C3: variants seen among roughly 807,000 people sequenced by gnomAD.
C3 encodes C3 and PZP-like alpha-2-macroglobulin domain-containing protein 1.
A neutral mutation model predicts 207.9 loss-of-function variants in C3; 97 were observed. That is an observed-to-expected ratio of 0.47 (90% CI 0.40 to 0.55). The LOEUF (loss-of-function observed/expected upper bound fraction) is 0.55. Ranked by LOEUF, C3 falls within the 20% of genes least tolerant of loss-of-function variation. The probability of loss-of-function intolerance (pLI) is 0.00; values close to 1 mark genes in which losing one functional copy is unlikely to be tolerated. For synonymous variants in C3, 848 were observed against 857.6 expected (o/e 0.99, Z 0.20); for missense variants, 1,684 against 2,171.7 (o/e 0.78, Z 4.46).
Position 6,707,476 on chromosome 19 carries a change from T to C in C3, c.2037A>G (p.Arg679=). 1.2e-6 allele frequency: 2 copies of C among 1,613,952 alleles called. No individual in the cohort carries two copies. The highest frequency in any genetic ancestry group is 1.7e-6 in the Non-Finnish European group (2 of 1,179,938). ...AGGAAAGGCTCCCACCTTTGTCCAT[T>C]CGCTTCTCCGTGAGCTGCACGGAAC... ...RRRSVQLTEK[R]MDKVGKYPKE... The change falls in exon 16 of 41, where the codon CGA becomes CGG. Residue 679 remains arginine (R), a synonymous_variant. Transcript: ENST00000245907.
chr19:6,679,545 A>G (rs1001117885), intron 36 of C3, 49 bp from the exon 37 acceptor site: 7 of 1,328,578 alleles, frequency 5.3e-6, no homozygotes, highest in Non-Finnish European at 4.3e-6. Flanking sequence ...CCTCCCTCCA[A>G]AGACCATGCC....
At chr19:6,703,033 GAAAACA>G (rs985698599) in intron 17 of C3, among the ~76,000 whole-genome samples, 2 of 151,942 alleles carry the variant, frequency 1.3e-5, no homozygotes, top group Non-Finnish European at 2.9e-5. Context: ...GACTCCATCT[GAAAACA>G]AAAACAAAAA....
rs1917824651 is a variant in C3, at chr19:6,680,203, G to A, written c.4411C>T (p.Leu1471Phe). 16 of 1,613,430 alleles carry A rather than the reference G, an allele frequency of 9.9e-6. No homozygotes were observed. The highest frequency in any genetic ancestry group is 1.1e-5 in the South Asian group (1 of 91,068). Residue 1471 changes from leucine (L) to phenylalanine (F), a missense_variant, in exon 36 of 41, where the codon CTT becomes TTT. Physicochemically the swap from Leu to Phe is conservative, Grantham distance 22 (BLOSUM62 0). This residue lies in a region of C3 where 346 missense variants were observed against 380.1 expected (regional missense o/e 0.91). Transcript: ENST00000245907. ...ACCTTGACTGCTCCAGGCTGGATAA[G>A]CTCTACATTAAAGTATTGGTGAACT... Reference protein sequence around the residue: ...FKVHQYFNVELIQPGAVKVYA... With the variant: ...FKVHQYFNVEFIQPGAVKVYA...
At chr19:6,715,612 T>G (rs923652261) in intron 4 of C3, among the ~76,000 whole-genome samples, 11 of 148,876 alleles carry the variant, frequency 7.4e-5, no homozygotes, top group African/African-American at 2.2e-4. Flanking sequence ...AAATCTGTTT[T>G]TTTTTTGTTT....
At chr19:6,678,531 C>T (rs549423358) in intron 38 of C3, 76 bp from the exon 39 acceptor site, 20 of 1,193,976 alleles carry the variant, frequency 1.7e-5, no homozygotes, top group African/African-American at 4.5e-5. Flanking sequence ...CAAGTGCACC[C>T]GGGCATGTGG....
chr19:6,697,435 G>A lies in C3; in HGVS notation c.2705C>T (p.Pro902Leu), dbSNP rs765511580. ...CACTTCCTGCAGGCCGGTCTTTAGC[G>A]GCACGATGACATATGGAACGGACAA... ...SSLSVPYVIV[P>L]LKTGLQEVEV... is the part of the protein sequence containing the mutation. Residue 902 changes from proline to leucine, a missense_variant, in exon 21 of 41, where the codon CCG (proline) becomes CTG (leucine). Coordinates refer to ENST00000245907, the MANE Select transcript of C3 (RefSeq NM_000064.4). 41 of 1,613,782 alleles carry A rather than the reference G, an allele frequency of 2.5e-5. No homozygotes were observed. The highest frequency in any genetic ancestry group is 1.3e-4 in the Admixed American group (8 of 59,950).
At chr19:6,679,844 C>T (rs943410445) in intron 36 of C3, among the ~76,000 whole-genome samples, 1 of 152,108 alleles carries the variant, frequency 6.6e-6, no homozygotes, top group African/African-American at 2.4e-5. Context: ...GACCCCTGAA[C>T]CCATCAGACC....
Position 6,677,707 on chromosome 19 carries a change from A to G in C3, c.*175T>C. The G allele has an allele frequency of 1.3e-6, 1 of 778,488 alleles. No individual in the cohort carries two copies. Among genetic ancestry groups the G allele is most frequent in the Non-Finnish European group, 2.1e-6 (1 of 486,150 alleles). The allele number at this position is 778,488 out of a possible 1,614,324, so 48.2% of individuals were successfully genotyped here. ...GCTCCTTGGCTAAAGAAGTCAGCACACTAGCAGGCGAACGCCAGGAGAAAA... is the reference window on the plus strand; with the variant it reads ...GCTCCTTGGCTAAAGAAGTCAGCACGCTAGCAGGCGAACGCCAGGAGAAAA... On this transcript the variant is annotated 3_prime_UTR_variant, in exon 41 of 41. Transcript: ENST00000245907.
chr19:6,704,702 T>G (rs1004407028), intron 17 of C3, among the ~76,000 whole-genome samples: 1 of 151,994 alleles, frequency 6.6e-6, no homozygotes, highest in African/African-American at 2.4e-5. Context: ...GAGGTTGTAG[T>G]GAGCCAAGAT....
rs563079608 is a variant in C3, at chr19:6,700,525, AATATG to A, written c.2440+1597_2440+1601del. Among the ~76,000 whole-genome samples, 53 of 27,930 alleles carry A rather than the reference AATATG, an allele frequency of 1.9e-3. 13 individuals are homozygous for A. Among genetic ancestry groups the A allele is most frequent in the African/African-American group, 0.015 (50 of 3,438 alleles). 18.3% of individuals were successfully genotyped at this position (27,930 alleles called of 152,430 possible). On this transcript the variant is annotated intron_variant, in intron 19 of 40. Transcript: ENST00000245907. ...TATATATGTAATATATAATATATGT[AATATG>A]ATATATTATATATGTAATATATAAT...
rs759921387 is a variant in C3, at chr19:6,713,377, A to G, written c.876+30T>C. ...GCTCAGAGGTGGCGGGGACTGGGGC[A>G]GGGATCAAAGCGGCCTCCGTCTATG... On this transcript the variant is annotated intron_variant, in intron 8 of 40. Transcript: ENST00000245907. 3 of 1,613,666 alleles carry G rather than the reference A, an allele frequency of 1.9e-6. No homozygotes were observed. In the African/African-American group the frequency reaches 4.0e-5, roughly 22 times the overall value.
intron 27 of C3, among the ~76,000 whole-genome samples, chr19:6,688,007 C>T (rs1320330588): frequency 1.3e-5 from 2 of 151,772 alleles, no homozygotes; most frequent in African/African-American, 4.8e-5. Context: ...CAGGCGTCCG[C>T]CACCGCGCCC....
chr19:6,693,390 T>C (rs777237358), intron 25 of C3, 22 bp downstream of exon 25: 6 of 1,600,530 alleles, frequency 3.7e-6, no homozygotes, highest in African/African-American at 1.3e-5. Flanking sequence ...ATGCATGGCC[T>C]GAGCTGGCTG....
chr19:6,708,503 TCCTC>T (rs571884669), intron 14 of C3, among the ~76,000 whole-genome samples: 201 of 148,828 alleles, frequency 1.4e-3, no homozygotes, highest in Non-Finnish European at 1.9e-3. Flanking sequence ...CTCCCTCCCT[TCCTC>T]CCTCCATTCC....
chr19:6,689,085 A>G (rs1238917318), intron 27 of C3, among the ~76,000 whole-genome samples: 2 of 152,158 alleles, frequency 1.3e-5, no homozygotes, highest in East Asian at 1.9e-4. Flanking sequence ...CTTCATCTCT[A>G]TTTGATGCCT....
At position 6,714,167 on chromosome 19, in the gene C3, G is replaced by A. The variant is rs756694755; in HGVS notation, c.681C>T (p.Tyr227=). 6.0e-5 allele frequency: 97 copies of A among 1,613,146 alleles called. No individual in the cohort carries two copies. The highest frequency in any genetic ancestry group is 8.9e-5 in the East Asian group (4 of 44,812). Residue 227 remains tyrosine, a splice_region_variant and synonymous_variant, in exon 6 of 41, where the codon TAC becomes TAT. Coordinates refer to ENST00000245907, the MANE Select transcript of C3 (RefSeq NM_000064.4). ...VFSTEFEVKE[Y]VLPSFEVIVE... ...CCCCCCAGCCCCTCCTCCTCTTACC[G>A]TACTCCTTCACCTCAAACTCAGTGG...
intron 26 of C3, among the ~76,000 whole-genome samples, chr19:6,692,344 C>A (rs1918190000): frequency 6.6e-6 from 1 of 152,168 alleles, no homozygotes; most frequent in South Asian, 2.1e-4. Flanking sequence ...AGAACCAGTG[C>A]TCGAAGGAGT....
In C3 at chr19:6,696,645, T is replaced by C; in HGVS notation, c.2811A>G (p.Arg937=). The C allele has an allele frequency of 6.2e-7, 1 of 1,614,044 alleles. No individual in the cohort carries two copies. The highest frequency in any genetic ancestry group is 8.5e-7 in the Non-Finnish European group (1 of 1,179,990). ...KSLKVVPEGI[R]MNKTVAVRTL... The stretch of plus-strand genomic sequence containing the variant: ...TGCGAACAGCCACAGTTTTGTTCAT[T>C]CTGATTCCTTCCGGCTACGCAGTGT... Residue 937 remains arginine, a synonymous_variant, in exon 22 of 41, where the codon AGA becomes AGG. Coordinates refer to ENST00000245907, the MANE Select transcript of C3 (RefSeq NM_000064.4).
Position 6,679,192 on chromosome 19 carries a change from T to C in C3, c.4563A>G (p.Gln1521=). Residue 1521 remains glutamine (Q), a synonymous_variant, in exon 38 of 41, where the codon CAA becomes CAG. Transcript: ENST00000245907. ...CCAGGGTGACCTTGTCATCCGACTTTTGTATGAAGCAATTCTCTGCAGGGT... is the reference window on the plus strand; with the variant it reads ...CCAGGGTGACCTTGTCATCCGACTTCTGTATGAAGCAATTCTCTGCAGGGT... ...CRCAEENCFI[Q]KSDDKVTLEE... 1 of 1,614,186 alleles carries C rather than the reference T, an allele frequency of 6.2e-7. No homozygotes were observed. The highest frequency in any genetic ancestry group is 8.5e-7 in the Non-Finnish European group (1 of 1,180,002).
Sources: gnomAD v4.1 joint callset for allele counts (sites outside exome capture counted in the v4.1 genomes callset) on GRCh38, gnomAD v4.1.1 for gene constraint, gnomAD v4.1.1 regional missense constraint, MANE v1.5 for transcripts, NCBI Gene and HGNC (gene_info 2026-07-23, HGNC 2026-07-21) for gene names.